Variants in RNLS observed in about 807,000 individuals in gnomAD.
RNLS encodes the protein renalase, FAD dependent amine oxidase, also known as renalase.
In RNLS, 39 loss-of-function variants were observed where a neutral mutation model predicts 39.8. That is an observed-to-expected ratio of 0.98 (90% CI 0.76 to 1.28). The LOEUF (loss-of-function observed/expected upper bound fraction) is 1.28. RNLS is among the 50% of genes most tolerant of loss of function. The pLI is 0.00. For missense variants in RNLS, 410 were observed against 413.3 expected, an observed-to-expected ratio of 0.99 and a Z score of 0.07; for synonymous variants, 147 against 150.7, an observed-to-expected ratio of 0.98 and a Z score of 0.18.
Position 88,284,501 on chromosome 10 carries a change from G to A in RNLS, c.*853C>T. On this transcript the variant is annotated 3_prime_UTR_variant, in exon 7 of 7. Coordinates refer to ENST00000331772, the MANE Select transcript of RNLS (RefSeq NM_001031709.3). ...TGGCAAATATTGAACTATTTTAAGT[G>A]CATCTATTTTCTGGTTCAGTAAATT... The A allele has an allele frequency of 1.0e-6, 1 of 985,270 alleles. No homozygotes were observed. The highest frequency in any genetic ancestry group is 1.2e-6 in the Non-Finnish European group (1 of 829,890). The allele number at this position is 985,270 out of a possible 1,614,324, so 61.0% of individuals were successfully genotyped here.
At chr10:88,527,931 T>C (rs1847203369) in intron 4 of RNLS, among the ~76,000 whole-genome samples, 2 of 149,610 alleles carry the variant, frequency 1.3e-5, no homozygotes, top group Admixed American at 1.3e-4. Context: ...GACACTACAA[T>C]AAAAATAAAA....
At chr10:88,172,430 A>G in the RNLS span, among the ~76,000 whole-genome samples, 1 of 151,908 alleles carries the variant, frequency 6.6e-6, no homozygotes, top group Non-Finnish European at 1.5e-5. Context: ...ATGATCAGTG[A>G]TGTTAAGCAT....
At position 88,349,753 on chromosome 10, in the gene RNLS, T is replaced by TTA. The variant is rs776686361; in HGVS notation, c.700+12798_700+12799insTA. Among the ~76,000 whole-genome samples the TTA allele has an allele frequency of 1.1e-3, 161 of 151,624 alleles. 2 individuals carry two copies. Among genetic ancestry groups the TTA allele is most frequent in the African/African-American group, 3.3e-3 (135 of 41,400 alleles). On this transcript the variant is annotated intron_variant, in intron 5 of 6. Transcript: ENST00000331772. The stretch of plus-strand genomic sequence containing the variant: ...TATTGTATATAAGTACATATATACA[T>TTA]TGTGTATATATATATATTTTTCTTC...
At chr10:88,492,264 T>C (rs1844928493) in intron 4 of RNLS, among the ~76,000 whole-genome samples, 1 of 152,052 alleles carries the variant, frequency 6.6e-6, no homozygotes, top group Admixed American at 6.6e-5. Flanking sequence ...TTTTAGAAAG[T>C]AATTTTTGGG....
At chr10:88,558,243 A>G (rs1031336897) in intron 4 of RNLS, among the ~76,000 whole-genome samples, 3 of 152,222 alleles carry the variant, frequency 2.0e-5, no homozygotes, top group Non-Finnish European at 4.4e-5. Context: ...TTTGGATTCC[A>G]TAATTGGTTC....
At chr10:88,213,098 G>A in the RNLS span, among the ~76,000 whole-genome samples, 2 of 152,148 alleles carry the variant, frequency 1.3e-5, no homozygotes, top group Admixed American at 6.5e-5. Flanking sequence ...GACTAGTTGC[G>A]GTTTGGGAGA....
intron 4 of RNLS, among the ~76,000 whole-genome samples, chr10:88,456,901 C>T (rs187694901): frequency 8.6e-4 from 131 of 152,274 alleles, no homozygotes; most frequent in Middle Eastern, 3.4e-3. Flanking sequence ...GTTTTCTTCA[C>T]GGCCTTCTTG....
chr10:88,558,931 C>T (rs1185839483), intron 4 of RNLS, among the ~76,000 whole-genome samples: 1 of 152,098 alleles, frequency 6.6e-6, no homozygotes, highest in Non-Finnish European at 1.5e-5. Flanking sequence ...AGTTTAGAAA[C>T]TGAATATTTC....
At chr10:88,566,809 A>G (rs1564906659) in intron 4 of RNLS, among the ~76,000 whole-genome samples, 1 of 152,176 alleles carries the variant, frequency 6.6e-6, no homozygotes, top group South Asian at 2.1e-4. Context: ...TCCAATAAGT[A>G]TTAGAAGGAA....
intron 4 of RNLS, among the ~76,000 whole-genome samples, chr10:88,487,338 T>C (rs1194522045): frequency 6.6e-6 from 1 of 151,450 alleles, no homozygotes; most frequent in Admixed American, 6.6e-5. Context: ...AAAAGTTTAA[T>C]AAAGTCATCT....
intron 4 of RNLS, among the ~76,000 whole-genome samples, chr10:88,568,741 ACAG>A (rs1849658492): frequency 6.6e-6 from 1 of 152,210 alleles, no homozygotes; most frequent in Non-Finnish European, 1.5e-5. Flanking sequence ...ATGCTTTATG[ACAG>A]CAGTTCTCAA....
intron 5 of RNLS, among the ~76,000 whole-genome samples, chr10:88,335,699 G>C (rs1468709215): frequency 6.6e-6 from 1 of 152,156 alleles, no homozygotes; most frequent in Non-Finnish European, 1.5e-5. Flanking sequence ...GATTTAATTT[G>C]TTCAAAATAA....
At chr10:88,172,821 A>C in the RNLS span, among the ~76,000 whole-genome samples, 6 of 109,254 alleles carry the variant, frequency 5.5e-5, no homozygotes, top group Admixed American at 2.1e-4. Context: ...CTTACATTTA[A>C]ACTTCTGTGC....
intron 4 of RNLS, among the ~76,000 whole-genome samples, chr10:88,380,529 C>G (rs568207794): frequency 4.6e-5 from 7 of 151,608 alleles, no homozygotes; most frequent in Non-Finnish European, 1.0e-4. Flanking sequence ...GCGCCCGCCA[C>G]CATGCCCAGC....
At chr10:88,289,990 T>C (rs1843550670) in intron 6 of RNLS, among the ~76,000 whole-genome samples, 2 of 152,182 alleles carry the variant, frequency 1.3e-5, no homozygotes, top group Non-Finnish European at 2.9e-5. Context: ...AATTTGTATA[T>C]GGTTCAGCCT....
At chr10:88,454,633 AC>A (rs1447983343) in intron 4 of RNLS, among the ~76,000 whole-genome samples, 3 of 152,194 alleles carry the variant, frequency 2.0e-5, no homozygotes, top group East Asian at 1.9e-4. Flanking sequence ...ACCAACAATT[AC>A]CCAGAGCTCA....
intron 5 of RNLS, among the ~76,000 whole-genome samples, chr10:88,338,710 G>A (rs1847685186): frequency 6.8e-6 from 1 of 147,256 alleles, no homozygotes; most frequent in Non-Finnish European, 1.5e-5. Flanking sequence ...CATGCCATGA[G>A]TTTGAATATC....
chr10:88,179,706 G>A, the RNLS span, among the ~76,000 whole-genome samples: 27 of 152,310 alleles, frequency 1.8e-4, no homozygotes, highest in African/African-American at 6.3e-4. Context: ...CAGGACTTTG[G>A]CAGGAGAGCC....
At chr10:88,245,036 A>AT in the RNLS span, among the ~76,000 whole-genome samples, 18 of 152,136 alleles carry the variant, frequency 1.2e-4, no homozygotes, top group South Asian at 3.5e-3. Context: ...AAATAAGTTC[A>AT]TTTTCCCACA....
Sources: gnomAD v4.1 joint callset for allele counts (sites outside exome capture counted in the v4.1 genomes callset) on GRCh38, gnomAD v4.1.1 for gene constraint, MANE v1.5 for transcripts, NCBI Gene and HGNC (gene_info 2026-07-23, HGNC 2026-07-21) for gene names.